PDE3B: variants seen among roughly 807,000 people sequenced by gnomAD.
PDE3B encodes the protein phosphodiesterase 3B.
A neutral mutation model predicts 116.8 loss-of-function variants in PDE3B; 66 were observed. The observed-to-expected ratio is 0.56, with a 90% CI of 0.46 to 0.69. The LOEUF is 0.69. Ranked by LOEUF, PDE3B falls within the 30% of genes least tolerant of loss-of-function variation. PDE3B has a pLI of 0.00. For synonymous variants in PDE3B, 595 were observed against 533.6 expected (o/e 1.12, Z -1.59); for missense variants, 1,384 against 1,368.1 (o/e 1.01, Z -0.18).
chr11:14,645,960 G>A (rs1853393293), intron 1 of PDE3B, among the ~76,000 whole-genome samples: 2 of 152,132 alleles, frequency 1.3e-5, no homozygotes. Context: ...TGTTTGGCTG[G>A]TGCCATTAAC....
At chr11:14,677,985 G>A (rs1854584652) in intron 1 of PDE3B, among the ~76,000 whole-genome samples, 1 of 152,158 alleles carries the variant, frequency 6.6e-6, no homozygotes, top group Non-Finnish European at 1.5e-5. Flanking sequence ...AGTGAGTGCG[G>A]TGACACGATC....
At chr11:14,724,248 G>A (rs1856212260) in intron 1 of PDE3B, among the ~76,000 whole-genome samples, 1 of 152,168 alleles carries the variant, frequency 6.6e-6, no homozygotes, top group Non-Finnish European at 1.5e-5. Flanking sequence ...ATGGTGAAAA[G>A]ATTTCCTACT....
At chr11:14,782,928 C>G (rs1455977616) in intron 2 of PDE3B, among the ~76,000 whole-genome samples, 1 of 152,128 alleles carries the variant, frequency 6.6e-6, no homozygotes, top group African/African-American at 2.4e-5. Flanking sequence ...AAAAATCAAA[C>G]AACCCCATCA....
At chr11:14,784,227 A>C (rs1858124901) in intron 2 of PDE3B, among the ~76,000 whole-genome samples, 3 of 152,228 alleles carry the variant, frequency 2.0e-5, no homozygotes, top group Non-Finnish European at 2.9e-5. Flanking sequence ...ATTATAAAAG[A>C]AGGACTCTTG....
chr11:14,876,524 C>A (rs1383871306), downstream of PDE3B, among the ~76,000 whole-genome samples: 1 of 152,160 alleles, frequency 6.6e-6, no homozygotes, highest in Non-Finnish European at 1.5e-5. Flanking sequence ...AACTCCATCA[C>A]TACTTCTAGT....
intron 1 of PDE3B, among the ~76,000 whole-genome samples, chr11:14,770,164 A>ATTAG (rs1271323109): frequency 4.6e-5 from 7 of 151,348 alleles, no homozygotes; most frequent in African/African-American, 1.7e-4. Flanking sequence ...AAGAATGCCA[A>ATTAG]TTAGTTCATT....
chr11:14,885,102 T>G, the PDE3B span, among the ~76,000 whole-genome samples: 2 of 152,200 alleles, frequency 1.3e-5, no homozygotes, highest in Non-Finnish European at 2.9e-5. Context: ...GTTAAATTTT[T>G]ATTTGAAATT....
intron 1 of PDE3B, among the ~76,000 whole-genome samples, chr11:14,763,923 A>G (rs1411072932): frequency 6.6e-6 from 1 of 152,128 alleles, no homozygotes; most frequent in Non-Finnish European, 1.5e-5. Flanking sequence ...ACTTAGTTAC[A>G]ATGCCCCTGT....
At chr11:14,667,570 CAGCA>C (rs1854210761) in intron 1 of PDE3B, among the ~76,000 whole-genome samples, 1 of 151,378 alleles carries the variant, frequency 6.6e-6, no homozygotes, top group Admixed American at 6.6e-5. Context: ...CCATCATTCT[CAGCA>C]AACTGTCGCA....
intron 12 of PDE3B, among the ~76,000 whole-genome samples, chr11:14,851,041 T>G (rs932420188): frequency 6.6e-6 from 1 of 150,402 alleles, no homozygotes; most frequent in Admixed American, 6.6e-5. Flanking sequence ...GCCGGGATGG[T>G]CTCGATCTCT....
chr11:14,668,062 C>G (rs1400008188), intron 1 of PDE3B, among the ~76,000 whole-genome samples: 1 of 151,712 alleles, frequency 6.6e-6, no homozygotes, highest in African/African-American at 2.4e-5. Context: ...AGCATACAAT[C>G]CTATTTCAGG....
chr11:14,859,085 G>A lies in PDE3B; in HGVS notation c.2563G>A (p.Ala855Thr), dbSNP rs782051531. 1.2e-6 allele frequency: 2 copies of A among 1,613,564 alleles called. No homozygotes were observed. The highest frequency in any genetic ancestry group is 3.3e-5 in the Admixed American group (2 of 60,004). The change falls in exon 13 of 16, where the codon GCT (alanine) becomes ACT (threonine). Residue 855 changes from alanine to threonine, a missense_variant. Coordinates refer to ENST00000282096, the MANE Select transcript of PDE3B (RefSeq NM_000922.4). The stretch of plus-strand genomic sequence containing the variant: ...CAGATCTGTTCTGGAAAATCATCAT[G>A]CTGCGTCAGCTTGGAATCTATATCT... ...NDRSVLENHH[A>T]ASAWNLYLSR...
chr11:14,851,022 A>G (rs11023364), intron 12 of PDE3B, among the ~76,000 whole-genome samples: 52,587 of 139,476 alleles, frequency 0.38, 10,713 homozygotes, highest in Admixed American at 0.49. Context: ...ACGGGGTTTC[A>G]CTGTGTTAGC....
chr11:14,779,988 GAA>G (rs1227689000), intron 2 of PDE3B, among the ~76,000 whole-genome samples: 101 of 108,236 alleles, frequency 9.3e-4, no homozygotes, highest in African/African-American at 2.9e-3. Context: ...CAAGCAAATG[GAA>G]AAAAAAAAAA....
chr11:14,673,487 A>G, intron 1 of PDE3B: 1 of 309,354 alleles, frequency 3.2e-6, no homozygotes, highest in Admixed American at 4.2e-5. Context: ...GTTGTTACAC[A>G]CTAACATCTT....
At chr11:14,676,272 G>A (rs1174195129) in intron 1 of PDE3B, among the ~76,000 whole-genome samples, 3 of 152,070 alleles carry the variant, frequency 2.0e-5, no homozygotes, top group Non-Finnish European at 2.9e-5. Flanking sequence ...AGGTGATTTC[G>A]TCATTGTGCA....
At chr11:14,704,507 C>G (rs1855471901) in intron 1 of PDE3B, among the ~76,000 whole-genome samples, 1 of 151,664 alleles carries the variant, frequency 6.6e-6, no homozygotes. Flanking sequence ...AAAAGAAGTA[C>G]ATCATTGGAT....
At chr11:14,738,080 C>A (rs547536561) in intron 1 of PDE3B, among the ~76,000 whole-genome samples, 64 of 152,202 alleles carry the variant, frequency 4.2e-4, no homozygotes, top group African/African-American at 1.5e-3. Flanking sequence ...AATAAACATA[C>A]GTGTGCATGT....
intron 7 of PDE3B, among the ~76,000 whole-genome samples, chr11:14,820,784 C>T (rs972255595): frequency 6.6e-6 from 1 of 152,106 alleles, no homozygotes; most frequent in Non-Finnish European, 1.5e-5. Context: ...AATGTGAAAT[C>T]GGTAGTCTGC....
Sources: allele counts gnomAD v4.1 joint callset (sites outside exome capture counted in the v4.1 genomes callset), GRCh38; gene constraint gnomAD v4.1.1; transcripts MANE v1.5; gene names NCBI Gene and HGNC (gene_info 2026-07-23, HGNC 2026-07-21).